Variants in KCNK2 observed in about 807,000 individuals in gnomAD.
KCNK2 encodes the protein potassium two pore domain channel subfamily K member 2.
KCNK2 carries 21 observed loss-of-function variants against 40.5 expected under a neutral mutation model. That is an observed-to-expected ratio of 0.52 (90% CI 0.37 to 0.75). The LOEUF (loss-of-function observed/expected upper bound fraction) is 0.75. Among genes scored for constraint, KCNK2 ranks in the 30% least tolerant of loss-of-function variants. The pLI is 0.00. For missense variants in KCNK2, 399 were observed against 531.6 expected (o/e 0.75, Z 2.45); for synonymous variants, 191 against 202.2 (o/e 0.94, Z 0.47).
chr1:215,031,710 T>C (rs1657196287), intron 1 of KCNK2, among the ~76,000 whole-genome samples: 1 of 152,226 alleles, frequency 6.6e-6, no homozygotes, highest in African/African-American at 2.4e-5. Flanking sequence ...CAAATTCCAC[T>C]TGTTCATTAC....
intron 3 of KCNK2, among the ~76,000 whole-genome samples, chr1:215,153,559 C>T (rs1266367305): frequency 9.8e-6 from 1 of 101,534 alleles, no homozygotes; most frequent in Non-Finnish European, 2.1e-5. Flanking sequence ...CGATATATAG[C>T]GTTGTTATAT....
At chr1:215,162,202 G>A (rs923030842) in intron 3 of KCNK2, among the ~76,000 whole-genome samples, 14 of 151,948 alleles carry the variant, frequency 9.2e-5, no homozygotes, top group African/African-American at 1.7e-4. Flanking sequence ...TTATGTGTTC[G>A]TTGGCTACAT....
chr1:215,045,125 A>G (rs921348547), intron 1 of KCNK2, among the ~76,000 whole-genome samples: 8 of 151,934 alleles, frequency 5.3e-5, no homozygotes, highest in Non-Finnish European at 7.4e-5. Flanking sequence ...CTGAGCTTGC[A>G]GTGAGCCGAG....
chr1:215,118,471 C>T (rs1661043285), intron 2 of KCNK2, among the ~76,000 whole-genome samples: 1 of 152,068 alleles, frequency 6.6e-6, no homozygotes, highest in Non-Finnish European at 1.5e-5. Flanking sequence ...TTGAAGTGGT[C>T]ACATGTAGTG....
intron 1 of KCNK2, among the ~76,000 whole-genome samples, chr1:215,015,192 G>C (rs1490804180): frequency 6.6e-6 from 1 of 152,012 alleles, no homozygotes; most frequent in Non-Finnish European, 1.5e-5. Context: ...CTTATCTCTA[G>C]TGTCTCAGAT....
At chr1:215,044,848 T>A (rs944595394) in intron 1 of KCNK2, among the ~76,000 whole-genome samples, 49 of 150,296 alleles carry the variant, frequency 3.3e-4, no homozygotes, top group Non-Finnish European at 6.5e-4. Flanking sequence ...CGTGTGTTGA[T>A]GACGAGTTGG....
chr1:215,079,536 C>G (rs945806611), upstream of KCNK2, among the ~76,000 whole-genome samples: 2 of 152,068 alleles, frequency 1.3e-5, no homozygotes, highest in African/African-American at 4.8e-5. Flanking sequence ...TTTAAGCAAC[C>G]AGATGTCATG....
At chr1:215,110,867 C>A (rs1342150349) in intron 2 of KCNK2, among the ~76,000 whole-genome samples, 3 of 152,044 alleles carry the variant, frequency 2.0e-5, no homozygotes, top group Non-Finnish European at 4.4e-5. Context: ...TCATTATCAA[C>A]TAATTGCTAA....
intron 6 of KCNK2, among the ~76,000 whole-genome samples, chr1:215,217,795 A>T (rs896642376): frequency 2.6e-5 from 4 of 152,184 alleles, no homozygotes; most frequent in African/African-American, 9.7e-5. Flanking sequence ...ATTATGATGG[A>T]CTTAGGGTAG....
At chr1:215,233,947 A>G (rs1009210931) in intron 6 of KCNK2, among the ~76,000 whole-genome samples, 5 of 152,226 alleles carry the variant, frequency 3.3e-5, no homozygotes, top group African/African-American at 1.2e-4. Context: ...GATCGATGGC[A>G]CTTTTTTTTC....
chr1:215,014,981 G>C (rs189788236), intron 1 of KCNK2, among the ~76,000 whole-genome samples: 109 of 152,250 alleles, frequency 7.2e-4, no homozygotes, highest in Non-Finnish European at 1.3e-3. Flanking sequence ...AGTAACATAG[G>C]CTAGTATTGT....
intron 1 of KCNK2, among the ~76,000 whole-genome samples, chr1:215,020,397 CA>C (rs1464714269): frequency 6.6e-6 from 1 of 152,142 alleles, no homozygotes. Flanking sequence ...GAGGAATCCC[CA>C]AAATACGTTG....
At chr1:215,222,041 AGAGAGAGTGGGG>A (rs1286110132) in intron 6 of KCNK2, among the ~76,000 whole-genome samples, 1 of 152,154 alleles carries the variant, frequency 6.6e-6, no homozygotes, top group African/African-American at 2.4e-5. Context: ...AGCAGGAGCA[AGAGAGAGTGGGG>A]TGGGAGGTGA....
At chr1:215,141,790 A>C (rs1449911405) in intron 3 of KCNK2, among the ~76,000 whole-genome samples, 1 of 152,060 alleles carries the variant, frequency 6.6e-6, no homozygotes. Flanking sequence ...TTTTCCAACT[A>C]ACTGCTGTTT....
intron 2 of KCNK2, among the ~76,000 whole-genome samples, chr1:215,124,032 G>T (rs1234499376): frequency 6.6e-6 from 1 of 152,246 alleles, no homozygotes; most frequent in East Asian, 1.9e-4. Context: ...TATTGTCATA[G>T]AATTTATTAA....
intron 4 of KCNK2, among the ~76,000 whole-genome samples, chr1:215,170,018 T>G (rs1229529134): frequency 6.6e-6 from 1 of 152,144 alleles, no homozygotes; most frequent in Non-Finnish European, 1.5e-5. Context: ...CAAACCTACA[T>G]TTTCTTATTT....
At chr1:215,147,776 A>G (rs1662492411) in intron 3 of KCNK2, among the ~76,000 whole-genome samples, 1 of 152,174 alleles carries the variant, frequency 6.6e-6, no homozygotes, top group Admixed American at 6.5e-5. Context: ...TGGAAGTTGC[A>G]GTGAGCTGAG....
At chr1:215,130,731 G>A (rs2102588633) in intron 3 of KCNK2, among the ~76,000 whole-genome samples, 1 of 152,298 alleles carries the variant, frequency 6.6e-6, no homozygotes, top group East Asian at 1.9e-4. Context: ...TAAGGAGGTA[G>A]CAGTGAGGAG....
chr1:215,157,592 A>C (rs1345198189), intron 3 of KCNK2, among the ~76,000 whole-genome samples: 2 of 152,208 alleles, frequency 1.3e-5, no homozygotes, highest in Non-Finnish European at 2.9e-5. Context: ...GAGTATGAAT[A>C]CCTTATTTTA....
Sources: allele counts gnomAD v4.1 joint callset (sites outside exome capture counted in the v4.1 genomes callset), GRCh38; gene constraint gnomAD v4.1.1; transcripts MANE v1.5; gene names NCBI Gene and HGNC (gene_info 2026-07-23, HGNC 2026-07-21).